The following CARD8 variants were observed in gnomAD, a reference collection of about 807,000 sequenced individuals.
The protein encoded by CARD8 is caspase recruitment domain-containing protein 8.
Under a neutral mutation model 53.2 loss-of-function variants are expected in CARD8, and 38 were observed. The observed-to-expected ratio is 0.71, with a 90% CI of 0.55 to 0.94. CARD8 has a LOEUF of 0.94. Among genes scored for constraint, CARD8 ranks in the 40% least tolerant of loss-of-function variants. The pLI is 0.00. For synonymous variants in CARD8, 245 were observed against 244.9 expected, an observed-to-expected ratio of 1.00 and a Z score of 0.00; for missense variants, 561 against 655.5, an observed-to-expected ratio of 0.86 and a Z score of 1.57.
chr19:48,232,439 T>C lies in CARD8; in HGVS notation c.391+14A>G. 6.5e-7 allele frequency: 1 copy of C among 1,533,826 alleles called. No homozygotes were observed. Among genetic ancestry groups the C allele is most frequent in the Non-Finnish European group, 8.7e-7 (1 of 1,144,736 alleles). On this transcript the variant is annotated intron_variant, in intron 7 of 13. Transcript: ENST00000651546. ...TCCACACGCCCTTCACTCCTCTCCC[T>C]ATTAGCCCATTACCTGAATCTTGTC...
intron 5 of CARD8, among the ~76,000 whole-genome samples, chr19:48,235,298 A>G (rs2043675889): frequency 6.6e-6 from 1 of 152,166 alleles, no homozygotes; most frequent in South Asian, 2.1e-4. Flanking sequence ...TCAATGGCCA[A>G]TATGACAGCC....
chr19:48,250,686 C>T (rs976317483), intron 1 of CARD8, among the ~76,000 whole-genome samples: 5 of 152,220 alleles, frequency 3.3e-5, no homozygotes, highest in African/African-American at 4.8e-5. Flanking sequence ...GACTAGGAAT[C>T]GATGTCAAAA....
Position 48,238,500 on chromosome 19 carries a change from G to A in CARD8, c.92C>T (p.Ser31Phe), listed in dbSNP as rs1318362817. 5.9e-6 allele frequency: 9 copies of A among 1,536,368 alleles called. No individual in the cohort carries two copies. The highest frequency in any genetic ancestry group is 1.7e-4 in the Middle Eastern group (1 of 6,016). ...DSGSSRNIDA[S>F]KLIRLQGSRK... The stretch of plus-strand genomic sequence containing the variant: ...TGATCCTTGTAGTCTAATGAGTTTG[G>A]ATGCATCTATGTTCCTACTGGATCC... Residue 31 changes from serine to phenylalanine, a missense_variant, in exon 5 of 14, where the codon TCC becomes TTC. Coordinates refer to ENST00000651546, the MANE Select transcript of CARD8 (RefSeq NM_001184900.3).
At chr19:48,224,984 C>T (rs534620895) in intron 10 of CARD8, among the ~76,000 whole-genome samples, 1 of 151,364 alleles carries the variant, frequency 6.6e-6, no homozygotes, top group Non-Finnish European at 1.5e-5. Context: ...CGATCTCCTG[C>T]CCTCGTGATC....
chr19:48,214,516 C>T (rs572666330), intron 13 of CARD8, among the ~76,000 whole-genome samples: 63 of 152,228 alleles, frequency 4.1e-4, no homozygotes, highest in African/African-American at 1.5e-3. Flanking sequence ...GGGAAGAATG[C>T]CTCAAGTGAG....
chr19:48,230,589 C>G lies in CARD8; in HGVS notation c.884G>C (p.Ser295Thr), dbSNP rs371674101. 1.9e-6 allele frequency: 3 copies of G among 1,614,124 alleles called. No individual in the cohort carries two copies. Reference sequence around the variant, plus strand: ...CAGCAGGATGCCCATCAGAGAGAAGCTGGGGCTTTCCAGGACAGCATAGAA... The same window carrying G: ...CAGCAGGATGCCCATCAGAGAGAAGGTGGGGCTTTCCAGGACAGCATAGAA... ...EPFYAVLESP[S>T]FSLMGILLRI... The change falls in exon 10 of 14, where the codon AGC becomes ACC. Residue 295 changes from serine to threonine, a missense_variant. Ser to Thr is a moderately conservative substitution (Grantham distance 58, BLOSUM62 1). Transcript: ENST00000651546.
At chr19:48,207,165 CA>C (rs71334273), downstream of CARD8, among the ~76,000 whole-genome samples, 14 of 81,834 alleles carry the variant, frequency 1.7e-4, no homozygotes, top group South Asian at 4.6e-4. Context: ...GACTCTGTCT[CA>C]AAAAAAAAAA....
chr19:48,233,142 C>T, intron 6 of CARD8: 1 of 353,794 alleles, frequency 2.8e-6, no homozygotes, highest in Non-Finnish European at 5.5e-6. Context: ...GGAGGTGGCA[C>T]CAAAGCATCG....
chr19:48,220,919 G>A (rs1471018615), intron 11 of CARD8, among the ~76,000 whole-genome samples: 1 of 121,236 alleles, frequency 8.2e-6, no homozygotes, highest in Non-Finnish European at 1.7e-5. Context: ...AAAAAAGAAG[G>A]AAAGAAAGAG....
intron 3 of CARD8, among the ~76,000 whole-genome samples, chr19:48,249,086 A>G (rs1349018682): frequency 6.6e-6 from 1 of 151,742 alleles, no homozygotes; most frequent in Non-Finnish European, 1.5e-5. Flanking sequence ...CACCCCAGCT[A>G]CTCGGGAGGC....
chr19:48,238,796 C>T (rs1463666390), intron 4 of CARD8, among the ~76,000 whole-genome samples: 1 of 152,124 alleles, frequency 6.6e-6, no homozygotes, highest in African/African-American at 2.4e-5. Context: ...TTAGAGATGC[C>T]ATCCTCAGAG....
chr19:48,227,868 T>C (rs1244751842), intron 10 of CARD8, among the ~76,000 whole-genome samples: 2 of 150,522 alleles, frequency 1.3e-5, no homozygotes, highest in African/African-American at 4.9e-5. Flanking sequence ...TGTCGCAGGA[T>C]CATATAGAGC....
intron 4 of CARD8, among the ~76,000 whole-genome samples, chr19:48,240,181 A>T (rs915562507): frequency 5.3e-5 from 8 of 152,244 alleles, no homozygotes; most frequent in Non-Finnish European, 8.8e-5. Flanking sequence ...AATGTAAAAC[A>T]GTGCATTCAT....
chr19:48,224,788 C>T (rs1432275376), intron 10 of CARD8, among the ~76,000 whole-genome samples: 1 of 149,872 alleles, frequency 6.7e-6, no homozygotes, highest in Non-Finnish European at 1.5e-5. Flanking sequence ...TGGAGTCTCG[C>T]TCTGTCGCCC....
downstream of CARD8, chr19:48,204,130 G>T (rs1218875280): frequency 2.2e-6 from 1 of 454,534 alleles, no homozygotes; most frequent in East Asian, 7.0e-5. Context: ...TGGGCGCCGG[G>T]GCTGCAGTCT....
At chr19:48,249,868 T>C (rs1220552302) in intron 1 of CARD8, 21 bp from the exon 2 acceptor site, 2 of 152,134 alleles carry the variant, frequency 1.3e-5, no homozygotes, top group Non-Finnish European at 2.9e-5. Context: ...AAGGGAGAAG[T>C]TCCTATGAGG....
At position 48,236,222 on chromosome 19, in the gene CARD8, T is replaced by G. The variant is rs1205681263; in HGVS notation, c.210-1679A>C. Among the ~76,000 whole-genome samples, 3 of 152,198 alleles carry G rather than the reference T, an allele frequency of 2.0e-5. No individual in the cohort carries two copies. In the East Asian group the frequency reaches 5.8e-4, roughly 29 times the overall value. ...TTTCATTTCTATTTTTATTTTTATT[T>G]TTTAAATTGAGACAGAGTCTGGCTC... On this transcript the variant is annotated intron_variant, in intron 5 of 13. Coordinates refer to ENST00000651546, the MANE Select transcript of CARD8 (RefSeq NM_001184900.3).
rs1168361054 is a variant in CARD8 at position 48,249,527 on chromosome 19, A to G, written c.-48T>C. On this transcript the variant is annotated 5_prime_UTR_variant, in exon 3 of 14. Coordinates refer to ENST00000651546, the MANE Select transcript of CARD8 (RefSeq NM_001184900.3). ...GTCGTGTTTTTTCCTACTCACATTG[A>G]AGATGGCCCAGATGCTTGCACTAAC... 1 of 152,324 alleles carries G rather than the reference A, an allele frequency of 6.6e-6. No individual in the cohort carries two copies. The highest frequency in any genetic ancestry group is 2.4e-5 in the African/African-American group (1 of 41,436). The allele number at this position is 152,324 out of a possible 1,614,324, so 9.4% of individuals were successfully genotyped here.
chr19:48,231,120 G>A (rs879753793), intron 8 of CARD8, 114 bp from the exon 9 acceptor site: 12 of 776,812 alleles, frequency 1.5e-5, no homozygotes, highest in African/African-American at 6.9e-5. Flanking sequence ...ACCCATCTGC[G>A]ACTTTCACTA....
Sources: allele counts gnomAD v4.1 joint callset (sites outside exome capture counted in the v4.1 genomes callset), GRCh38; gene constraint gnomAD v4.1.1; transcripts MANE v1.5; gene names NCBI Gene and HGNC (gene_info 2026-07-23, HGNC 2026-07-21).